The following BTBD3 variants were observed in gnomAD, a reference collection of about 807,000 sequenced individuals.
The protein encoded by BTBD3 is BTB domain containing 3, also known as BTB/POZ domain-containing protein 3.
Under a neutral mutation model 41.6 loss-of-function variants are expected in BTBD3, and 14 were observed. The observed-to-expected ratio is 0.34, with a 90% CI of 0.22 to 0.53. The LOEUF (loss-of-function observed/expected upper bound fraction) is 0.53. BTBD3 is among the 20% of genes least tolerant of loss of function. BTBD3 has a pLI of 0.95. For missense variants in BTBD3, 426 were observed against 654.7 expected, an observed-to-expected ratio of 0.65 and a Z score of 3.81; for synonymous variants, 249 against 233.7, an observed-to-expected ratio of 1.07 and a Z score of -0.60.
chr20:11,914,337 T>C (rs6134401), upstream of BTBD3, among the ~76,000 whole-genome samples: 109,866 of 152,070 alleles, frequency 0.72, 40,050 homozygotes, highest in Non-Finnish European at 0.76. Flanking sequence ...ACCAAAATTT[T>C]GTATATTCAA....
At chr20:11,894,996 C>T (rs1303465519) in intron 1 of BTBD3, among the ~76,000 whole-genome samples, 1 of 152,204 alleles carries the variant, frequency 6.6e-6, no homozygotes, top group Non-Finnish European at 1.5e-5. Context: ...GATCTTTTTA[C>T]ATTTAATTCT....
intron 1 of BTBD3, among the ~76,000 whole-genome samples, chr20:11,899,211 T>C (rs896823955): frequency 2.0e-5 from 3 of 152,154 alleles, no homozygotes; most frequent in Non-Finnish European, 2.9e-5. Flanking sequence ...TCTAAGGTGA[T>C]TTTGAAATCC....
chr20:11,906,254 C>CTTTTTTT (rs3071747), intron 1 of BTBD3, among the ~76,000 whole-genome samples: 416 of 36,190 alleles, frequency 0.011, 96 homozygotes, highest in African/African-American at 0.027. Flanking sequence ...ATTATTACTC[C>CTTTTTTT]TTTTTTTTTT....
At chr20:11,913,281 AC>A (rs386812548), upstream of BTBD3, 173 of 152,296 alleles carry the variant, frequency 1.1e-3, no homozygotes, top group African/African-American at 3.9e-3. Flanking sequence ...GTTGGTGTTA[AC>A]CGTGAATAGC....
intron 1 of BTBD3, among the ~76,000 whole-genome samples, chr20:11,897,847 C>G (rs544344350): frequency 6.6e-6 from 1 of 152,308 alleles, no homozygotes; most frequent in East Asian, 1.9e-4. Context: ...GGCCAGTGTT[C>G]TTATGATTCA....
At chr20:11,917,472 G>A (rs1600243448), upstream of BTBD3, among the ~76,000 whole-genome samples, 1 of 152,188 alleles carries the variant, frequency 6.6e-6, no homozygotes. Flanking sequence ...TGTAATAAAT[G>A]TGTTTTGCTA....
rs2056931238 is a variant in BTBD3, at chr20:11,918,093, T to C, written c.-183T>C. ...GGGATATATTTAACAGACCCAGTAC[T>C]GGATAAAACTTAAAGCCAGTTTCTA... On this transcript the variant is annotated 5_prime_UTR_variant, in exon 1 of 4. Coordinates refer to ENST00000378226, the MANE Select transcript of BTBD3 (RefSeq NM_014962.4). 1 of 1,436,516 alleles carries C rather than the reference T, an allele frequency of 7.0e-7. No individual in the cohort carries two copies. The highest frequency in any genetic ancestry group is 2.4e-5 in the East Asian group (1 of 41,434). The allele number at this position is 1,436,516 out of a possible 1,614,324, so 89.0% of individuals were successfully genotyped here. A position where few individuals can be genotyped will look rare whatever the true frequency, so the allele number is the denominator to read the frequency against.
intron 1 of BTBD3, among the ~76,000 whole-genome samples, chr20:11,901,635 A>T (rs2056824263): frequency 6.6e-6 from 1 of 152,216 alleles, no homozygotes; most frequent in Admixed American, 6.5e-5. Context: ...TTATTACTTT[A>T]TTAGCTACTT....
chr20:11,896,169 A>G (rs1039702738), intron 1 of BTBD3, among the ~76,000 whole-genome samples: 3 of 152,344 alleles, frequency 2.0e-5, no homozygotes, highest in Admixed American at 1.3e-4. Context: ...TTTAAGGGTC[A>G]TGAAAGATTA....
chr20:11,891,018 C>G (rs1353973288), intron 1 of BTBD3: 1 of 965,608 alleles, frequency 1.0e-6, no homozygotes, highest in Non-Finnish European at 1.2e-6. Flanking sequence ...CGGGACCGCC[C>G]GGGCAGGGGC....
At chr20:11,907,584 A>G (rs1288219910) in intron 1 of BTBD3, among the ~76,000 whole-genome samples, 1 of 152,272 alleles carries the variant, frequency 6.6e-6, no homozygotes, top group Non-Finnish European at 1.5e-5. Context: ...ATCAGGCAAC[A>G]TAAGGCAAGA....
At chr20:11,897,708 A>C (rs1259826867) in intron 1 of BTBD3, among the ~76,000 whole-genome samples, 2 of 152,142 alleles carry the variant, frequency 1.3e-5, no homozygotes, top group Non-Finnish European at 2.9e-5. Flanking sequence ...CTAACAGATC[A>C]CTGGTCTCCT....
At chr20:11,907,432 C>A (rs1461034690) in intron 1 of BTBD3, among the ~76,000 whole-genome samples, 1 of 152,112 alleles carries the variant, frequency 6.6e-6, no homozygotes, top group Non-Finnish European at 1.5e-5. Flanking sequence ...CCAGTTGCAC[C>A]CCACAAGTGT....
At chr20:11,903,627 G>A (rs2056836567) in intron 1 of BTBD3, among the ~76,000 whole-genome samples, 1 of 151,172 alleles carries the variant, frequency 6.6e-6, no homozygotes, top group Admixed American at 6.6e-5. Flanking sequence ...TTTTTTTTGA[G>A]GCGGAGTTTC....
At position 11,923,900 on chromosome 20, in the gene BTBD3, T is replaced by C. The variant is rs538926915; in HGVS notation, c.*234T>C. 1 of 454,616 alleles carries C rather than the reference T, an allele frequency of 2.2e-6. No individual in the cohort carries two copies. Among genetic ancestry groups the C allele is most frequent in the African/African-American group, 2.0e-5 (1 of 50,364 alleles). The allele number at this position is 454,616 out of a possible 1,614,324, so 28.2% of individuals were successfully genotyped here. On this transcript the variant is annotated 3_prime_UTR_variant, in exon 4 of 4. Transcript: ENST00000378226. This position sits in a 1 kb window ranked among gnomAD's most constrained non-coding sequence, Gnocchi z 5.3. ...GTTCTTATTAAGGCTTTGTGGTTTT[T>C]AGAGTTGCATCTATGAACCTGGGGA...
chr20:11,914,694 G>A (rs1305571185), upstream of BTBD3, among the ~76,000 whole-genome samples: 1 of 151,866 alleles, frequency 6.6e-6, no homozygotes, highest in Non-Finnish European at 1.5e-5. Flanking sequence ...AAATAACCTA[G>A]ACCAGTGTTT....
At chr20:11,911,480 A>G (rs2056889187) in intron 1 of BTBD3, among the ~76,000 whole-genome samples, 1 of 152,208 alleles carries the variant, frequency 6.6e-6, no homozygotes, top group Non-Finnish European at 1.5e-5. Context: ...AGAGTTGTCT[A>G]ACCTTTTGGC....
At chr20:11,919,560 C>T (rs1432762278) in intron 2 of BTBD3, 158 bp from the exon 3 acceptor site, 15 of 1,113,416 alleles carry the variant, frequency 1.3e-5, no homozygotes, top group Non-Finnish European at 1.8e-5. Context: ...CTTATGCTTC[C>T]ATGGCAAGCT....
chr20:11,917,799 C>T, upstream of BTBD3: 1 of 400,476 alleles, frequency 2.5e-6, no homozygotes, highest in Non-Finnish European at 3.4e-6. Flanking sequence ...TTGCTTGGTC[C>T]AATCATGATT....
Sources: gnomAD v4.1 joint callset for allele counts (sites outside exome capture counted in the v4.1 genomes callset) on GRCh38, gnomAD v4.1.1 for gene constraint, Gnocchi (gnomAD v3.1) non-coding constraint, MANE v1.5 for transcripts, NCBI Gene and HGNC (gene_info 2026-07-23, HGNC 2026-07-21) for gene names.